The following GRM5 variants were observed in gnomAD, a reference collection of about 807,000 sequenced individuals.
GRM5 encodes the protein glutamate metabotropic receptor 5, also known as metabotropic glutamate receptor 5.
In GRM5, 19 loss-of-function variants were observed where a neutral mutation model predicts 83.1. That is an observed-to-expected ratio of 0.23 (90% confidence interval 0.16 to 0.34). The LOEUF is 0.34. Among genes scored for constraint, GRM5 ranks in the 10% least tolerant of loss-of-function variants. The probability of loss-of-function intolerance (pLI) is 1.00; values close to 1 mark genes in which losing one functional copy is unlikely to be tolerated. For synonymous variants in GRM5, 675 were observed against 633.6 expected (o/e 1.07, Z -0.98); for missense variants, 1,160 against 1,588.3 (o/e 0.73, Z 4.58).
chr11:88,775,089 A>G (rs1384487246), intron 3 of GRM5, among the ~76,000 whole-genome samples: 2 of 152,106 alleles, frequency 1.3e-5, no homozygotes, highest in African/African-American at 4.8e-5. Flanking sequence ...TTTGGTTGGT[A>G]GGCTATTCAT....
intron 2 of GRM5, among the ~76,000 whole-genome samples, chr11:88,876,566 C>T (rs1241535837): frequency 1.3e-5 from 2 of 152,092 alleles, no homozygotes. Context: ...TGTATCGGGG[C>T]TTTTGACACA....
intron 2 of GRM5, among the ~76,000 whole-genome samples, chr11:88,977,690 G>A (rs1939385505): frequency 6.6e-6 from 1 of 152,204 alleles, no homozygotes; most frequent in Admixed American, 6.5e-5. Flanking sequence ...ATTTCTGCAA[G>A]TGAAAGATTA....
intron 3 of GRM5, among the ~76,000 whole-genome samples, chr11:88,778,531 G>C (rs1054437178): frequency 5.3e-5 from 8 of 152,146 alleles, no homozygotes; most frequent in Non-Finnish European, 1.2e-4. Flanking sequence ...CCCGTCTTCT[G>C]CATCGATCAC....
intron 3 of GRM5, among the ~76,000 whole-genome samples, chr11:88,845,210 C>T (rs1358797714): frequency 2.6e-5 from 4 of 152,032 alleles, no homozygotes. Context: ...GCCACAGCCA[C>T]TGCCACCTTC....
chr11:88,845,613 T>G (rs1397432525), intron 3 of GRM5, among the ~76,000 whole-genome samples: 1 of 151,926 alleles, frequency 6.6e-6, no homozygotes, highest in Non-Finnish European at 1.5e-5. Flanking sequence ...TTTTGTATTT[T>G]TAGTAGAGAC....
At chr11:88,949,788 C>T (rs1938397052) in intron 2 of GRM5, among the ~76,000 whole-genome samples, 1 of 152,170 alleles carries the variant, frequency 6.6e-6, no homozygotes, top group Non-Finnish European at 1.5e-5. Flanking sequence ...AATACCCATA[C>T]TATACAATAA....
chr11:88,777,982 C>T, intron 3 of GRM5, among the ~76,000 whole-genome samples: 1 of 152,190 alleles, frequency 6.6e-6, no homozygotes, highest in East Asian at 1.9e-4. Context: ...ACACCGCTCT[C>T]TTCAGAGCTG....
chr11:88,907,311 AGT>A (rs1945420780), intron 2 of GRM5, among the ~76,000 whole-genome samples: 1 of 152,138 alleles, frequency 6.6e-6, no homozygotes, highest in Non-Finnish European at 1.5e-5. Context: ...GCCACACTCT[AGT>A]GTCCCACAGA....
chr11:88,535,462 CTG>C (rs1416696844), intron 8 of GRM5, among the ~76,000 whole-genome samples: 3 of 152,206 alleles, frequency 2.0e-5, no homozygotes, highest in African/African-American at 4.8e-5. Flanking sequence ...ATTTCAAAAA[CTG>C]TGGTCCAGTG....
chr11:88,576,455 C>A (rs2135186301), intron 7 of GRM5, among the ~76,000 whole-genome samples: 1 of 152,214 alleles, frequency 6.6e-6, no homozygotes. Context: ...ACACAATAGG[C>A]AGTTAAATAA....
intron 2 of GRM5, among the ~76,000 whole-genome samples, chr11:88,966,057 C>A (rs35291381): frequency 1.3e-5 from 2 of 151,826 alleles, no homozygotes; most frequent in Non-Finnish European, 2.9e-5. Flanking sequence ...TATATTAGAC[C>A]GTAACATAAT....
intron 3 of GRM5, among the ~76,000 whole-genome samples, chr11:88,660,494 A>G (rs1293595144): frequency 1.3e-5 from 2 of 152,204 alleles, no homozygotes; most frequent in African/African-American, 2.4e-5. Context: ...CCATGGTGCT[A>G]CCTGCCATAG....
intron 2 of GRM5, among the ~76,000 whole-genome samples, chr11:88,993,573 A>G (rs1432502733): frequency 6.6e-6 from 1 of 152,196 alleles, no homozygotes; most frequent in Non-Finnish European, 1.5e-5. Flanking sequence ...TTGGCTATTC[A>G]GAGTCTTTTT....
intron 2 of GRM5, among the ~76,000 whole-genome samples, chr11:88,922,068 T>A (rs1431572276): frequency 6.6e-6 from 1 of 152,050 alleles, no homozygotes; most frequent in African/African-American, 2.4e-5. Context: ...CTAAAAAGCA[T>A]TGATGCAAGA....
At chr11:88,911,467 G>A (rs1945497701) in intron 2 of GRM5, among the ~76,000 whole-genome samples, 1 of 152,182 alleles carries the variant, frequency 6.6e-6, no homozygotes, top group South Asian at 2.1e-4. Context: ...TAGATTTTTT[G>A]TACTCAACAG....
chr11:88,555,825 G>C (rs894966083), intron 8 of GRM5, among the ~76,000 whole-genome samples: 1 of 152,010 alleles, frequency 6.6e-6, no homozygotes, highest in Admixed American at 6.6e-5. Flanking sequence ...ACCAAATACA[G>C]CTTCATATTA....
intron 4 of GRM5, among the ~76,000 whole-genome samples, chr11:88,611,372 T>C (rs1197892104): frequency 6.6e-6 from 1 of 152,194 alleles, no homozygotes; most frequent in Non-Finnish European, 1.5e-5. Flanking sequence ...GTAGGCTTTT[T>C]ATTTCTGATT....
At chr11:88,580,964 C>T (rs978267537) in intron 7 of GRM5, among the ~76,000 whole-genome samples, 1 of 152,050 alleles carries the variant, frequency 6.6e-6, no homozygotes, top group Non-Finnish European at 1.5e-5. Context: ...AAAAAATTAG[C>T]TGGCATGGTG....
chr11:89,009,139 G>T, intron 2 of GRM5: 1 of 703,372 alleles, frequency 1.4e-6, no homozygotes, highest in Non-Finnish European at 2.6e-6. Context: ...TATAAGATAA[G>T]CAAAGGTTTT....
Sources: gnomAD v4.1 joint callset for allele counts (sites outside exome capture counted in the v4.1 genomes callset) on GRCh38, gnomAD v4.1.1 for gene constraint, MANE v1.5 for transcripts, NCBI Gene and HGNC (gene_info 2026-07-23, HGNC 2026-07-21) for gene names.